The following AP1M2 variants were observed in gnomAD, a reference collection of about 807,000 sequenced individuals.
AP1M2 encodes the protein AP-1 complex subunit mu-2.
A neutral mutation model predicts 54.6 loss-of-function variants in AP1M2; 41 were observed. That is an observed-to-expected ratio of 0.75 (90% confidence interval 0.59 to 0.97). AP1M2 has a LOEUF of 0.97. Among genes scored for constraint, AP1M2 ranks in the 50% least tolerant of loss-of-function variants. The pLI, the probability that AP1M2 is intolerant of heterozygous loss-of-function variation, is 0.00. For missense variants in AP1M2, 507 were observed against 561.2 expected, an observed-to-expected ratio of 0.90 and a Z score of 0.98; for synonymous variants, 219 against 215.9, an observed-to-expected ratio of 1.01 and a Z score of -0.13.
chr19:10,580,457 C>T (rs1292815910), intron 6 of AP1M2, among the ~76,000 whole-genome samples: 3 of 151,918 alleles, frequency 2.0e-5, no homozygotes, highest in South Asian at 4.2e-4. Flanking sequence ...GTAAAGAGAT[C>T]GAGACCATCC....
chr19:10,577,569 G>GA lies in AP1M2; in HGVS notation c.889-214dup, dbSNP rs1234560459. 2.0e-5 allele frequency among the ~76,000 whole-genome samples: 3 copies of GA among 150,734 alleles called. No homozygotes were observed. In the East Asian group the frequency reaches 5.9e-4, roughly 29 times the overall value. On this transcript the variant is annotated intron_variant, in intron 8 of 11. Coordinates refer to ENST00000250244, the MANE Select transcript of AP1M2 (RefSeq NM_005498.5). ...CTACCTCAGCCTCCTGAGCAGCTGGGACTACAGGCACCCGCCAGCACGCCC... is the reference window on the plus strand; with the variant it reads ...CTACCTCAGCCTCCTGAGCAGCTGGGAACTACAGGCACCCGCCAGCACGCCC...
intron 8 of AP1M2, among the ~76,000 whole-genome samples, chr19:10,577,956 G>C (rs1917302399): frequency 6.6e-6 from 1 of 151,946 alleles, no homozygotes; most frequent in African/African-American, 2.4e-5. Context: ...GGCTGGTCTG[G>C]AACGCCTGAC....
At chr19:10,581,460 G>C (rs1917454686) in intron 5 of AP1M2, 27 bp downstream of exon 5, 3 of 1,611,624 alleles carry the variant, frequency 1.9e-6, no homozygotes, top group Non-Finnish European at 1.7e-6. Context: ...GCCGTGGAAG[G>C]GGTGCCGGGG....
intron 4 of AP1M2, 45 bp from the exon 5 acceptor site, chr19:10,581,679 C>T: frequency 6.2e-7 from 1 of 1,611,890 alleles, no homozygotes; most frequent in South Asian, 1.1e-5. Context: ...CCAGGGACAC[C>T]TCCGTGGACC....
rs778797003 is a variant in AP1M2 at position 10,581,363 on chromosome 19, G to A, written c.576C>T (p.Ser192=). Residue 192 remains serine (S), a synonymous_variant, in exon 6 of 12, where the codon AGC becomes AGT. Coordinates refer to ENST00000250244, the MANE Select transcript of AP1M2 (RefSeq NM_005498.5). ...LVNANGSVLL[S]EIVGTIKLKV... is the part of the protein sequence containing the mutation. Reference sequence around the variant, plus strand: ...TGAGCTTGATGGTACCGACGATTTCGCTCAGAAGGACGCTGCCGTTGGCAT... The same window carrying A: ...TGAGCTTGATGGTACCGACGATTTCACTCAGAAGGACGCTGCCGTTGGCAT... The A allele has an allele frequency of 9.9e-6, 16 of 1,612,996 alleles. No individual in the cohort carries two copies. Among genetic ancestry groups the A allele is most frequent in the South Asian group, 8.8e-5 (8 of 91,066 alleles).
At chr19:10,573,981 C>T (rs974349530) in intron 11 of AP1M2, among the ~76,000 whole-genome samples, 9 of 151,736 alleles carry the variant, frequency 5.9e-5, no homozygotes, top group South Asian at 2.1e-4. Flanking sequence ...ATTTTAAAGA[C>T]GTGCAAACCA....
chr19:10,578,436 C>T (rs1917319864), intron 8 of AP1M2, among the ~76,000 whole-genome samples: 1 of 151,934 alleles, frequency 6.6e-6, no homozygotes, highest in African/African-American at 2.4e-5. Context: ...GAGCTGAGAT[C>T]ACACCACTGC....
intron 1 of AP1M2, 145 bp downstream of exon 1, chr19:10,587,045 G>T: frequency 1.1e-6 from 1 of 889,794 alleles, no homozygotes; most frequent in South Asian, 1.9e-5. Context: ...CAAGGCGAGT[G>T]GATGCTGGAG....
At chr19:10,587,036 A>G (rs2144776144) in intron 1 of AP1M2, 154 bp downstream of exon 1, 1 of 824,472 alleles carries the variant, frequency 1.2e-6, no homozygotes, top group Non-Finnish European at 1.9e-6. Flanking sequence ...CCTCAGGCAC[A>G]AGGCGAGTGG....
At position 10,579,733 on chromosome 19, in the gene AP1M2, A is replaced by G. The variant is rs185647493; in HGVS notation, c.799T>C (p.Tyr267His). The G allele has an allele frequency of 6.2e-7, 1 of 1,613,584 alleles. No homozygotes were observed. The highest frequency in any genetic ancestry group is 2.2e-5 in the East Asian group (1 of 44,834). Reference sequence around the variant, plus strand: ...TGCCTCACCTGGGTGCTGAGGCGGTATGACATGAGCTCAAAGTCACCATCA... The same window carrying G: ...TGCCTCACCTGGGTGCTGAGGCGGTGTGACATGAGCTCAAAGTCACCATCA... ...PPDGDFELMS[Y>H]RLSTQVKPLI... Residue 267 changes from tyrosine to histidine, a missense_variant, in exon 7 of 12, where the codon TAC becomes CAC. Transcript: ENST00000250244.
chr19:10,575,431 C>T (rs532342598), intron 9 of AP1M2, among the ~76,000 whole-genome samples: 1 of 152,198 alleles, frequency 6.6e-6, no homozygotes, highest in South Asian at 2.1e-4. Flanking sequence ...GATGATCCAC[C>T]TCTCCCAAGA....
At chr19:10,581,718 G>A in intron 4 of AP1M2, 30 bp downstream of exon 4, 4 of 1,612,272 alleles carry the variant, frequency 2.5e-6, no homozygotes, top group Non-Finnish European at 3.4e-6. Context: ...CCACAGTCCA[G>A]CCCATGGCTG....
In AP1M2 at chr19:10,587,233, G is replaced by T; in HGVS notation, c.-2C>A. 6.4e-7 allele frequency: 1 copy of T among 1,563,812 alleles called. No homozygotes were observed. The highest frequency in any genetic ancestry group is 8.7e-7 in the Non-Finnish European group (1 of 1,154,330). ...AATGAAGACAGCCGAGGCGGACATG[G>T]TGGCGGCCGAAGGACTTAGGAGTCG... is the stretch of plus-strand genomic sequence containing the variant. On this transcript the variant is annotated 5_prime_UTR_variant, in exon 1 of 12. Coordinates refer to ENST00000250244, the MANE Select transcript of AP1M2 (RefSeq NM_005498.5).
chr19:10,585,290 A>AGAAAGAAAGAAAGAAGGAAGGAAG (rs1568434730), intron 1 of AP1M2, among the ~76,000 whole-genome samples: 21 of 82,714 alleles, frequency 2.5e-4, no homozygotes, highest in Admixed American at 4.5e-4. Flanking sequence ...AAAAAAAGAA[A>AGAAAGAAAGAAAGAAGGAAGGAAG]GAAAGAAAGA....
chr19:10,584,677 AAGGT>A (rs994982590), intron 1 of AP1M2, among the ~76,000 whole-genome samples: 53 of 86,296 alleles, frequency 6.1e-4, no homozygotes, highest in East Asian at 4.9e-3. Context: ...GGAAGGAAGG[AAGGT>A]AGGCAGGCAG....
Position 10,574,976 on chromosome 19 carries a change from C to T in AP1M2, c.1101G>A (p.Lys367=). 6.3e-7 allele frequency: 1 copy of T among 1,576,056 alleles called. No individual in the cohort carries two copies. The highest frequency in any genetic ancestry group is 2.3e-5 in the East Asian group (1 of 43,536). The change falls in exon 10 of 12, where the codon AAG becomes AAA. Residue 367 remains lysine, a synonymous_variant. Coordinates refer to ENST00000250244, the MANE Select transcript of AP1M2 (RefSeq NM_005498.5). ...RAHFGLPSVE[K]EEVEGRPPIG... is the part of the protein sequence containing the mutation. ...TGGGGGGCCGGCCCTCCACCTCTTC[C>T]TTTTCCACACTGGGGAGGCCAAAGT...
At chr19:10,574,319 C>T in intron 11 of AP1M2, 98 bp downstream of exon 11, 4 of 1,009,904 alleles carry the variant, frequency 4.0e-6, no homozygotes, top group South Asian at 1.7e-5. Flanking sequence ...CACACCTGAC[C>T]CTTGTTGGTT....
intron 11 of AP1M2, 24 bp from the exon 12 acceptor site, chr19:10,573,112 G>A (rs1259880182): frequency 6.4e-7 from 1 of 1,558,226 alleles, no homozygotes; most frequent in Non-Finnish European, 8.7e-7. Context: ...ATGAGGAGGG[G>A]CCATCTCAGA....
intron 11 of AP1M2, among the ~76,000 whole-genome samples, chr19:10,573,506 C>T (rs967543372): frequency 2.6e-5 from 4 of 152,042 alleles, no homozygotes; most frequent in Admixed American, 2.6e-4. Context: ...CACTCATGAT[C>T]AACAAGGCTA....
Sources: gnomAD v4.1 joint callset for allele counts (sites outside exome capture counted in the v4.1 genomes callset) on GRCh38, gnomAD v4.1.1 for gene constraint, MANE v1.5 for transcripts, NCBI Gene and HGNC (gene_info 2026-07-23, HGNC 2026-07-21) for gene names.